The following KIF26B variants were observed in gnomAD, a reference collection of about 807,000 sequenced individuals.
KIF26B encodes the protein kinesin-like protein KIF26B.
A neutral mutation model predicts 151.2 loss-of-function variants in KIF26B; 63 were observed. That is an observed-to-expected ratio of 0.42 (90% CI 0.34 to 0.51). KIF26B has a LOEUF of 0.51. Ranked by LOEUF, KIF26B falls within the 20% of genes least tolerant of loss-of-function variation. KIF26B has a pLI of 0.07. For synonymous variants in KIF26B, 1,357 were observed against 1,262.1 expected, an observed-to-expected ratio of 1.08 and a Z score of -1.59; for missense variants, 2,813 against 2,913.6, an observed-to-expected ratio of 0.97 and a Z score of 0.79.
intron 5 of KIF26B, among the ~76,000 whole-genome samples, chr1:245,567,528 C>T (rs1482009373): frequency 6.6e-6 from 1 of 152,066 alleles, no homozygotes; most frequent in Non-Finnish European, 1.5e-5. Context: ...GAAGTGATGA[C>T]CCATCCCACC....
At chr1:245,570,709 T>G (rs933195809) in intron 5 of KIF26B, among the ~76,000 whole-genome samples, 1 of 152,230 alleles carries the variant, frequency 6.6e-6, no homozygotes, top group African/African-American at 2.4e-5. Context: ...GCTCTTCGAC[T>G]GTGGACCTCT....
intron 9 of KIF26B, among the ~76,000 whole-genome samples, chr1:245,632,967 C>T (rs999634113): frequency 2.0e-5 from 3 of 152,066 alleles, no homozygotes; most frequent in African/African-American, 4.8e-5. Context: ...GCATTGGGGT[C>T]AAGCTCTTTA....
intron 2 of KIF26B, among the ~76,000 whole-genome samples, chr1:245,173,751 T>C (rs1446075318): frequency 2.0e-5 from 3 of 151,390 alleles, no homozygotes; most frequent in Non-Finnish European, 4.4e-5. Context: ...GATGCAGGAG[T>C]CCCCCCCACC....
intron 2 of KIF26B, among the ~76,000 whole-genome samples, chr1:245,229,879 A>G (rs930448592): frequency 6.6e-6 from 1 of 152,212 alleles, no homozygotes; most frequent in African/African-American, 2.4e-5. Context: ...TCACGCCTGT[A>G]ATCCCCGCAC....
At chr1:245,640,504 T>C (rs2043881254) in intron 9 of KIF26B, among the ~76,000 whole-genome samples, 1 of 152,026 alleles carries the variant, frequency 6.6e-6, no homozygotes, top group African/African-American at 2.4e-5. Flanking sequence ...ATTTAGTCCA[T>C]ATACATTCCA....
At chr1:245,482,945 A>T (rs904932157) in intron 4 of KIF26B, among the ~76,000 whole-genome samples, 3 of 151,786 alleles carry the variant, frequency 2.0e-5, no homozygotes, top group African/African-American at 7.2e-5. Flanking sequence ...ACCACATTTC[A>T]TCAATTCCGT....
chr1:245,200,557 C>G (rs774207457), intron 2 of KIF26B, among the ~76,000 whole-genome samples: 2 of 152,212 alleles, frequency 1.3e-5, no homozygotes, highest in Admixed American at 6.5e-5. Context: ...CCTCCCAATT[C>G]TGTATCTCTT....
intron 2 of KIF26B, among the ~76,000 whole-genome samples, chr1:245,202,184 ATAT>A (rs1294150064): frequency 2.0e-5 from 3 of 152,198 alleles, no homozygotes; most frequent in Admixed American, 6.5e-5. Flanking sequence ...GACCTGAGAA[ATAT>A]TATTAGCCAG....
rs771209849 is a variant in KIF26B at position 245,318,622 on chromosome 1, T to C, written c.466-48212T>C. On this transcript the variant is annotated intron_variant, in intron 2 of 14. Coordinates refer to ENST00000407071, the MANE Select transcript of KIF26B (RefSeq NM_018012.4). The surrounding 1 kb of genome is among the most constrained non-coding windows in gnomAD (Gnocchi z 4.0). ...ACTTTGCTGCGACTCCCTAAGTTCA[T>C]AGGGAAAGCAGCAAGGATGAGTTCG... is the stretch of plus-strand genomic sequence containing the variant. 1.3e-5 allele frequency among the ~76,000 whole-genome samples: 2 copies of C among 152,074 alleles called. No homozygotes were observed. Among genetic ancestry groups the C allele is most frequent in the African/African-American group, 4.8e-5 (2 of 41,402 alleles).
At chr1:245,481,325 G>C (rs991600039) in intron 4 of KIF26B, among the ~76,000 whole-genome samples, 3 of 151,862 alleles carry the variant, frequency 2.0e-5, no homozygotes, top group African/African-American at 7.2e-5. Flanking sequence ...ATGGTTGCAG[G>C]TTCTGTTTCC....
At chr1:245,403,147 AT>A (rs1338252989) in intron 3 of KIF26B, among the ~76,000 whole-genome samples, 1 of 151,534 alleles carries the variant, frequency 6.6e-6, no homozygotes, top group Admixed American at 6.6e-5. Context: ...TTTTAAAAAA[AT>A]TTTTTGTAGA....
At chr1:245,566,545 G>A (rs1412259326) in intron 5 of KIF26B, among the ~76,000 whole-genome samples, 1 of 152,202 alleles carries the variant, frequency 6.6e-6, no homozygotes, top group Non-Finnish European at 1.5e-5. Flanking sequence ...TTTTAAAGAA[G>A]AAAGAGAAAA....
At chr1:245,652,585 A>G (rs181010217) in intron 10 of KIF26B, among the ~76,000 whole-genome samples, 22 of 152,306 alleles carry the variant, frequency 1.4e-4, no homozygotes, top group Middle Eastern at 6.8e-3. Context: ...AGAAGCTGCC[A>G]CTACATTAAT....
At chr1:245,501,702 A>G (rs1174442942) in intron 4 of KIF26B, among the ~76,000 whole-genome samples, 1 of 152,250 alleles carries the variant, frequency 6.6e-6, no homozygotes, top group Non-Finnish European at 1.5e-5. Context: ...AAGTGTAAAC[A>G]AATGCATTCT....
intron 9 of KIF26B, among the ~76,000 whole-genome samples, chr1:245,634,213 A>AGT (rs2043811011): frequency 6.6e-6 from 1 of 152,166 alleles, no homozygotes; most frequent in Admixed American, 6.5e-5. Flanking sequence ...CTCACCTATT[A>AGT]GTTCTAGTAC....
chr1:245,571,889 C>T (rs1037269820), intron 5 of KIF26B, among the ~76,000 whole-genome samples: 1 of 152,178 alleles, frequency 6.6e-6, no homozygotes, highest in African/African-American at 2.4e-5. Context: ...GCCAGCCTTT[C>T]AAAGAGGTAT....
chr1:245,193,693 A>T (rs1279089095), intron 2 of KIF26B, among the ~76,000 whole-genome samples: 1 of 152,240 alleles, frequency 6.6e-6, no homozygotes, highest in African/African-American at 2.4e-5. Context: ...TTTACAGATG[A>T]GAAAACTGAA....
At chr1:245,658,089 A>G (rs1284917094) in intron 10 of KIF26B, among the ~76,000 whole-genome samples, 1 of 152,124 alleles carries the variant, frequency 6.6e-6, no homozygotes, top group East Asian at 1.9e-4. Context: ...CCCAAAACAT[A>G]CTGTTTAGTT....
rs899773736 is a variant in KIF26B, at chr1:245,295,229, C to A, written c.466-71605C>A. Among the ~76,000 whole-genome samples, 3 of 152,096 alleles carry A rather than the reference C, an allele frequency of 2.0e-5. No homozygotes were observed. The East Asian group carries it at 5.8e-4, about 29-fold the overall frequency. On this transcript the variant is annotated intron_variant, in intron 2 of 14. Coordinates refer to ENST00000407071, the MANE Select transcript of KIF26B (RefSeq NM_018012.4). ...ATCCTAGGGAAATGTTTACACACACCATTGGTTTAAAATTTTAGCTGAATT... is the reference window on the plus strand; with the variant it reads ...ATCCTAGGGAAATGTTTACACACACAATTGGTTTAAAATTTTAGCTGAATT...
Sources: allele counts gnomAD v4.1 joint callset (sites outside exome capture counted in the v4.1 genomes callset), GRCh38; gene constraint gnomAD v4.1.1; non-coding constraint Gnocchi (gnomAD v3.1); transcripts MANE v1.5; gene names NCBI Gene and HGNC (gene_info 2026-07-23, HGNC 2026-07-21).